CNTN5: variants seen among roughly 807,000 people sequenced by gnomAD.
CNTN5 encodes the protein contactin-5.
A neutral mutation model predicts 129.1 loss-of-function variants in CNTN5; 77 were observed. That is an observed-to-expected ratio of 0.60 (90% CI 0.50 to 0.72). The LOEUF (loss-of-function observed/expected upper bound fraction) is 0.72. Ranked by LOEUF, CNTN5 falls within the 30% of genes least tolerant of loss-of-function variation. CNTN5 has a pLI of 0.00. For missense variants in CNTN5, 1,478 were observed against 1,328.8 expected, an observed-to-expected ratio of 1.11 and a Z score of -1.75; for synonymous variants, 509 against 465.6, an observed-to-expected ratio of 1.09 and a Z score of -1.20.
intron 13 of CNTN5, among the ~76,000 whole-genome samples, chr11:100,151,751 A>AT (rs891810488): frequency 3.3e-5 from 5 of 151,890 alleles, no homozygotes; most frequent in South Asian, 2.1e-4. Context: ...CTACATGAGT[A>AT]TTTTTTTTCC....
At chr11:100,105,027 C>T (rs568902656) in intron 13 of CNTN5, among the ~76,000 whole-genome samples, 19 of 152,192 alleles carry the variant, frequency 1.2e-4, no homozygotes, top group African/African-American at 4.6e-4. Flanking sequence ...AAAGGCAGGA[C>T]GGTATATTTT....
At chr11:99,262,727 T>C (rs1862700069) in intron 1 of CNTN5, among the ~76,000 whole-genome samples, 1 of 152,060 alleles carries the variant, frequency 6.6e-6, no homozygotes, top group South Asian at 2.1e-4. Flanking sequence ...TTTATTCTGC[T>C]TTGTTTTTAA....
intron 2 of CNTN5, among the ~76,000 whole-genome samples, chr11:99,444,538 C>A (rs917664921): frequency 6.6e-6 from 1 of 152,180 alleles, no homozygotes; most frequent in African/African-American, 2.4e-5. Flanking sequence ...CAATGATTAT[C>A]TATCCTTTAT....
At chr11:99,308,928 C>G (rs1410248081) in intron 1 of CNTN5, among the ~76,000 whole-genome samples, 1 of 152,008 alleles carries the variant, frequency 6.6e-6, no homozygotes, top group Non-Finnish European at 1.5e-5. Context: ...CTTTTAAGCC[C>G]ATCCAATGAC....
At chr11:99,646,394 C>G (rs1209158101) in intron 3 of CNTN5, among the ~76,000 whole-genome samples, 1 of 152,140 alleles carries the variant, frequency 6.6e-6, no homozygotes, top group African/African-American at 2.4e-5. Flanking sequence ...TTGCTTGTGT[C>G]TTCAGCTAGA....
chr11:99,919,128 A>G (rs1281600060), intron 7 of CNTN5, among the ~76,000 whole-genome samples: 3 of 152,170 alleles, frequency 2.0e-5, no homozygotes, highest in Non-Finnish European at 4.4e-5. Context: ...CTTCTGCAGA[A>G]GCAAATTTTG....
At chr11:100,058,660 C>T (rs1943338323) in intron 9 of CNTN5, among the ~76,000 whole-genome samples, 1 of 151,938 alleles carries the variant, frequency 6.6e-6, no homozygotes. Flanking sequence ...TGTTTTATTC[C>T]TAAGGAATAA....
intron 3 of CNTN5, among the ~76,000 whole-genome samples, chr11:99,596,312 C>T (rs149673200): frequency 6.6e-6 from 1 of 152,266 alleles, no homozygotes; most frequent in African/African-American, 2.4e-5. Context: ...CAGTCATTGA[C>T]TATCCTACTA....
At chr11:100,297,749 G>C (rs1041394461) in intron 19 of CNTN5, 54 bp downstream of exon 19, 3 of 1,313,608 alleles carry the variant, frequency 2.3e-6, no homozygotes, top group Admixed American at 2.0e-5. Flanking sequence ...TTGGCTTAGT[G>C]TGATATTTAA....
chr11:99,938,019 T>A (rs1950353545), intron 7 of CNTN5, among the ~76,000 whole-genome samples: 1 of 152,224 alleles, frequency 6.6e-6, no homozygotes, highest in South Asian at 2.1e-4. Context: ...TTGGAAGTAG[T>A]GTTTGTATCA....
chr11:99,729,576 A>G (rs1229656741), intron 3 of CNTN5, among the ~76,000 whole-genome samples: 3 of 152,126 alleles, frequency 2.0e-5, no homozygotes, highest in Non-Finnish European at 4.4e-5. Context: ...CTGGTTCTAG[A>G]TCTTTAAGGA....
chr11:100,031,857 C>T (rs1383396318), intron 9 of CNTN5, among the ~76,000 whole-genome samples: 1 of 152,196 alleles, frequency 6.6e-6, no homozygotes, highest in Non-Finnish European at 1.5e-5. Flanking sequence ...AAATCCCTCA[C>T]TAACCTACCC....
chr11:100,115,997 A>G (rs567390164), intron 13 of CNTN5, among the ~76,000 whole-genome samples: 58 of 152,138 alleles, frequency 3.8e-4, no homozygotes, highest in African/African-American at 1.4e-3. Context: ...TGTTGGATGG[A>G]TCTGTCTGAA....
At chr11:99,709,796 T>C (rs963298591) in intron 3 of CNTN5, among the ~76,000 whole-genome samples, 4 of 151,832 alleles carry the variant, frequency 2.6e-5, no homozygotes, top group African/African-American at 9.7e-5. Context: ...GGCAAAGATA[T>C]TGAGGTAATT....
chr11:100,215,525 A>T (rs967885174), intron 15 of CNTN5, among the ~76,000 whole-genome samples: 1 of 152,198 alleles, frequency 6.6e-6, no homozygotes, highest in African/African-American at 2.4e-5. Context: ...ACAGATTGTG[A>T]ATGATTCATT....
At chr11:99,861,214 C>T (rs1014896447) in intron 6 of CNTN5, among the ~76,000 whole-genome samples, 4 of 152,156 alleles carry the variant, frequency 2.6e-5, no homozygotes, top group Non-Finnish European at 5.9e-5. Flanking sequence ...GCCTCAGCCT[C>T]CCAAAGTGTT....
At chr11:100,105,067 C>G (rs1005536038) in intron 13 of CNTN5, among the ~76,000 whole-genome samples, 1 of 152,134 alleles carries the variant, frequency 6.6e-6, no homozygotes, top group Non-Finnish European at 1.5e-5. Context: ...TCCTCCGCAT[C>G]GCAATTGGAA....
intron 20 of CNTN5, among the ~76,000 whole-genome samples, chr11:100,300,713 A>G (rs17094791): frequency 0.014 from 2,082 of 151,696 alleles, 59 homozygotes; most frequent in African/African-American, 0.048. Flanking sequence ...AGAATCAGAA[A>G]GTTTATCTTA....
At chr11:99,795,026 A>G (rs1449440171) in intron 3 of CNTN5, among the ~76,000 whole-genome samples, 1 of 152,208 alleles carries the variant, frequency 6.6e-6, no homozygotes, top group East Asian at 1.9e-4. Flanking sequence ...TTTTCAAGTT[A>G]CTTGCTTTCT....
Sources: gnomAD v4.1 joint callset for allele counts (sites outside exome capture counted in the v4.1 genomes callset) on GRCh38, gnomAD v4.1.1 for gene constraint, MANE v1.5 for transcripts, NCBI Gene and HGNC (gene_info 2026-07-23, HGNC 2026-07-21) for gene names.